Variants in IL1RAP observed in about 807,000 individuals in gnomAD.
IL1RAP encodes interleukin 1 receptor accessory protein, also known as interleukin-1 receptor accessory protein.
IL1RAP carries 35 observed loss-of-function variants against 60.7 expected under a neutral mutation model. The ratio of observed to expected loss-of-function variants is 0.58; its 90% CI spans 0.44 to 0.76. IL1RAP has a LOEUF of 0.76. IL1RAP is among the 30% of genes least tolerant of loss of function. The pLI is 0.00. For missense variants in IL1RAP, 572 were observed against 693.9 expected, an observed-to-expected ratio of 0.82 and a Z score of 1.97; for synonymous variants, 268 against 250.9, an observed-to-expected ratio of 1.07 and a Z score of -0.64.
Position 190,609,041 on chromosome 3 carries a change from C to G in IL1RAP, c.397C>G (p.Gln133Glu), listed in dbSNP as rs747438078. The G allele has an allele frequency of 3.7e-6, 6 of 1,613,148 alleles. No homozygotes were observed. The African/African-American group carries it at 8.0e-5, about 22-fold the overall frequency. Reference sequence around the variant, plus strand: ...AGTTGCATTTCCCTTGGAAGTTGTTCAAAAAGACAGCTGTTTCAATTCCCC... The same window carrying G: ...AGTTGCATTTCCCTTGGAAGTTGTTGAAAAAGACAGCTGTTTCAATTCCCC... The part of the protein sequence containing the change: ...SKVAFPLEVV[Q>E]KDSCFNSPMK... Residue 133 changes from glutamine (Q) to glutamate (E), a missense_variant, in exon 5 of 12, where the codon CAA (glutamine) becomes GAA (glutamate). Transcript: ENST00000447382.
chr3:190,576,826 T>TA (rs1188171042), intron 3 of IL1RAP, among the ~76,000 whole-genome samples: 1 of 152,216 alleles, frequency 6.6e-6, no homozygotes, highest in East Asian at 1.9e-4. Flanking sequence ...ATAGGATTGT[T>TA]ACAATGGCCG....
intron 9 of IL1RAP, among the ~76,000 whole-genome samples, chr3:190,637,222 T>A (rs975023235): frequency 6.6e-6 from 1 of 152,172 alleles, no homozygotes; most frequent in Non-Finnish European, 1.5e-5. Context: ...TATTTTTTAT[T>A]TCTGACACTA....
In IL1RAP at chr3:190,651,166, T is replaced by A. The variant is rs76701272; in HGVS notation, c.*2461T>A. The stretch of plus-strand genomic sequence containing the variant: ...GAACAAGAACAAACCATGTCTCAAA[T>A]TTTTTTAAAAAAAATTAATGGTTTT... On this transcript the variant is annotated 3_prime_UTR_variant, in exon 12 of 12. Coordinates refer to ENST00000447382, the MANE Select transcript of IL1RAP (RefSeq NM_002182.4). 2.1e-6 allele frequency: 2 copies of A among 973,124 alleles called. No individual in the cohort carries two copies. The highest frequency in any genetic ancestry group is 2.4e-6 in the Non-Finnish European group (2 of 826,036). 60.3% of individuals were successfully genotyped at this position (973,124 alleles called of 1,614,324 possible).
Position 190,649,329 on chromosome 3 carries a change from A to T in IL1RAP, c.*624A>T. 1.0e-6 allele frequency: 1 copy of T among 984,908 alleles called. No homozygotes were observed. The highest frequency in any genetic ancestry group is 1.2e-6 in the Non-Finnish European group (1 of 829,030). The allele number at this position is 984,908 out of a possible 1,614,324, so 61.0% of individuals were successfully genotyped here. On this transcript the variant is annotated 3_prime_UTR_variant, in exon 12 of 12. Coordinates refer to ENST00000447382, the MANE Select transcript of IL1RAP (RefSeq NM_002182.4). The stretch of plus-strand genomic sequence containing the variant: ...TACCACCCTTGTCCTCATCTCAGGT[A>T]ATTTATGAAATCTATGTAAACTTGA...
At chr3:190,546,684 A>G (rs1258996091) in intron 1 of IL1RAP, among the ~76,000 whole-genome samples, 1 of 152,224 alleles carries the variant, frequency 6.6e-6, no homozygotes, top group Non-Finnish European at 1.5e-5. Context: ...AACTGGCCCA[A>G]TATTTCATGG....
intron 1 of IL1RAP, among the ~76,000 whole-genome samples, chr3:190,555,651 G>A (rs1209460006): frequency 1.3e-5 from 2 of 152,122 alleles, no homozygotes; most frequent in African/African-American, 4.8e-5. Context: ...TCCCCTATGG[G>A]TTTGTCTAAT....
downstream of IL1RAP, among the ~76,000 whole-genome samples, chr3:190,653,142 ATTACTC>A (rs1447293306): frequency 2.0e-5 from 3 of 152,206 alleles, no homozygotes; most frequent in Non-Finnish European, 2.9e-5. Flanking sequence ...TTTACACACT[ATTACTC>A]TTATAAATCC....
intron 1 of IL1RAP, among the ~76,000 whole-genome samples, chr3:190,523,853 A>T (rs1351712506): frequency 2.0e-5 from 3 of 152,098 alleles, no homozygotes; most frequent in East Asian, 3.8e-4. Context: ...TTTATAATAG[A>T]ATAATTTATA....
At chr3:190,658,123 A>G (rs181433773) in exon 12 of IL1RAP, 4 of 150,572 alleles carry the variant, frequency 2.7e-5, no homozygotes, top group East Asian at 4.1e-4. Context: ...TTGAGCCCCA[A>G]TGTTGCCATA....
chr3:190,515,135 T>C (rs138037656), intron 1 of IL1RAP, among the ~76,000 whole-genome samples: 276 of 152,280 alleles, frequency 1.8e-3, no homozygotes, highest in African/African-American at 6.0e-3. Context: ...GAAAGAGGAC[T>C]TGAGTTTTGA....
intron 3 of IL1RAP, among the ~76,000 whole-genome samples, chr3:190,575,364 G>A (rs576241290): frequency 3.9e-5 from 6 of 152,204 alleles, no homozygotes; most frequent in Admixed American, 3.9e-4. Context: ...ACAGTCTTGG[G>A]GATGGCTTCA....
At chr3:190,586,310 T>C (rs748614405) in intron 3 of IL1RAP, among the ~76,000 whole-genome samples, 6 of 152,230 alleles carry the variant, frequency 3.9e-5, no homozygotes, top group Non-Finnish European at 8.8e-5. Flanking sequence ...TTATCCCTCG[T>C]TGGAGCCTAA....
chr3:190,620,310 A>G lies in IL1RAP; in HGVS notation c.573A>G (p.Ile191Met). The G allele has an allele frequency of 6.3e-7, 1 of 1,593,214 alleles. No homozygotes were observed. The highest frequency in any genetic ancestry group is 1.3e-5 in the African/African-American group (1 of 74,230). The change falls in exon 6 of 12, where the codon ATA (isoleucine) becomes ATG (methionine). Residue 191 changes from isoleucine (I) to methionine (M), a missense_variant. Coordinates refer to ENST00000447382, the MANE Select transcript of IL1RAP (RefSeq NM_002182.4). ...AAATACAGAATTTTAATAATGTAATACCCGAAGGTATGAACTTGAGTTTCC... is the reference window on the plus strand; with the variant it reads ...AAATACAGAATTTTAATAATGTAATGCCCGAAGGTATGAACTTGAGTTTCC... ...CYKIQNFNNVIPEGMNLSFLI... is the reference protein window; with the variant it reads ...CYKIQNFNNVMPEGMNLSFLI...
At chr3:190,598,782 A>G (rs1016506157) in intron 3 of IL1RAP, among the ~76,000 whole-genome samples, 15 of 151,904 alleles carry the variant, frequency 9.9e-5, no homozygotes, top group Admixed American at 2.0e-4. Flanking sequence ...CACTTTTTTC[A>G]TTATAGTAAA....
chr3:190,656,004 C>A (rs1014470380), downstream of IL1RAP: 6 of 1,537,056 alleles, frequency 3.9e-6, no homozygotes, highest in African/African-American at 6.8e-5. Flanking sequence ...AACTGGGTGT[C>A]ATGTGCCAGA....
intron 1 of IL1RAP, among the ~76,000 whole-genome samples, chr3:190,514,457 G>A (rs1721315661): frequency 6.6e-6 from 1 of 152,108 alleles, no homozygotes. Flanking sequence ...ACGCGGTTGT[G>A]GGACGTCTGC....
intron 1 of IL1RAP, among the ~76,000 whole-genome samples, chr3:190,514,825 TC>T (rs34392202): frequency 6.6e-6 from 1 of 152,110 alleles, no homozygotes; most frequent in Non-Finnish European, 1.5e-5. Flanking sequence ...TACTGTTTCT[TC>T]CCAGCCCCGG....
At chr3:190,656,847 G>A (rs1424119868) in exon 12 of IL1RAP, 4 of 410,360 alleles carry the variant, frequency 9.7e-6, no homozygotes, top group Non-Finnish European at 1.7e-5. Flanking sequence ...GTCAGTATGT[G>A]AAAGTTGCCT....
intron 1 of IL1RAP, among the ~76,000 whole-genome samples, chr3:190,526,685 ACAGT>A (rs1210171290): frequency 6.6e-6 from 1 of 152,224 alleles, no homozygotes; most frequent in African/African-American, 2.4e-5. Flanking sequence ...AGCACTTAGC[ACAGT>A]TCCTGGAACA....
Sources: allele counts gnomAD v4.1 joint callset (sites outside exome capture counted in the v4.1 genomes callset), GRCh38; gene constraint gnomAD v4.1.1; transcripts MANE v1.5; gene names NCBI Gene and HGNC (gene_info 2026-07-23, HGNC 2026-07-21).